The following NANOS3 variants were observed in gnomAD, a reference collection of about 807,000 sequenced individuals.
NANOS3 encodes the protein nanos C2HC-type zinc finger 3.
A neutral mutation model predicts 13.8 loss-of-function variants in NANOS3; 11 were observed. The ratio of observed to expected loss-of-function variants is 0.80; its 90% CI spans 0.50 to 1.32. The LOEUF (loss-of-function observed/expected upper bound fraction) is 1.32, where lower values mean the gene tolerates loss of function less well. Among genes scored for constraint, NANOS3 ranks in the 40% most tolerant of loss-of-function variants. NANOS3 has a pLI of 0.00. For missense variants in NANOS3, 221 were observed against 263.8 expected, an observed-to-expected ratio of 0.84 and a Z score of 1.12; for synonymous variants, 119 against 115.4, an observed-to-expected ratio of 1.03 and a Z score of -0.20.
rs372870251 is a variant in NANOS3 at position 13,880,416 on chromosome 19, C to T, written c.518-26C>T. The stretch of plus-strand genomic sequence containing the variant: ...CGTTGAGTCATCGCCTGTGATTAAG[C>T]ATTTCTCTCCCTCCCCCTCCACTAG... On this transcript the variant is annotated intron_variant, in intron 1 of 1. Transcript: ENST00000339133. 1.1e-5 allele frequency: 17 copies of T among 1,610,420 alleles called. No homozygotes were observed. The African/African-American group carries it at 2.0e-4, about 19-fold the overall frequency.
At chr19:13,880,218 G>A (rs560116740) in intron 1 of NANOS3, among the ~76,000 whole-genome samples, 1 of 152,260 alleles carries the variant, frequency 6.6e-6, no homozygotes, top group South Asian at 2.1e-4. Flanking sequence ...GGCCACGAGA[G>A]GGCACCACAG....
chr19:13,872,771 G>A (rs1032576340), upstream of NANOS3, among the ~76,000 whole-genome samples: 1 of 152,192 alleles, frequency 6.6e-6, no homozygotes, highest in African/African-American at 2.4e-5. Context: ...CTGAATGGGA[G>A]GATCTGCTGG....
At chr19:13,870,718 C>T (rs1328303114) in intron 1 of NANOS3, among the ~76,000 whole-genome samples, 1 of 151,764 alleles carries the variant, frequency 6.6e-6, no homozygotes, top group Non-Finnish European at 1.5e-5. Flanking sequence ...CAGGTGTGCG[C>T]CACCATGCCT....
chr19:13,871,719 A>G (rs1194001528), intron 1 of NANOS3, among the ~76,000 whole-genome samples: 2 of 152,242 alleles, frequency 1.3e-5, no homozygotes, highest in Non-Finnish European at 1.5e-5. Flanking sequence ...TCAAGAAGAA[A>G]GATTCCTGTG....
At chr19:13,869,664 C>G (rs1028019627) in intron 1 of NANOS3, among the ~76,000 whole-genome samples, 1 of 151,822 alleles carries the variant, frequency 6.6e-6, no homozygotes, top group Non-Finnish European at 1.5e-5. Flanking sequence ...CCACAGGGCT[C>G]TTGGTGTCGC....
chr19:13,874,321 G>T (rs113491840), upstream of NANOS3, among the ~76,000 whole-genome samples: 85 of 152,322 alleles, frequency 5.6e-4, no homozygotes, highest in Non-Finnish European at 1.0e-3. Flanking sequence ...TCGGGGCCAG[G>T]ATCCTCCGTT....
intron 1 of NANOS3, among the ~76,000 whole-genome samples, chr19:13,867,737 C>T (rs1467217457): frequency 1.3e-5 from 2 of 152,024 alleles, no homozygotes; most frequent in African/African-American, 2.4e-5. Flanking sequence ...AGACCACCCC[C>T]GCCCAAGAAC....
At position 13,879,947 on chromosome 19, in the gene NANOS3, A is replaced by AC. The variant is rs550832767; in HGVS notation, c.518-492dup. On this transcript the variant is annotated intron_variant, in intron 1 of 1. Transcript: ENST00000339133. ...GGGCTGAGACAGGAGAATCGCTAGA[A>AC]CCCGGGAGGTGGAGGTCGCAGTGAG... Among the ~76,000 whole-genome samples the AC allele has an allele frequency of 3.0e-4, 45 of 151,788 alleles. 1 individual carries two copies. In the East Asian group the frequency reaches 8.2e-3, roughly 27 times the overall value.
chr19:13,867,490 GT>G (rs34702228), intron 1 of NANOS3, among the ~76,000 whole-genome samples: 28,239 of 151,830 alleles, frequency 0.19, 2,739 homozygotes, highest in Non-Finnish European at 0.22. Flanking sequence ...TCTCAAACTC[GT>G]TGAGCTCTAG....
At chr19:13,879,395 G>C (rs1007977744) in intron 1 of NANOS3, among the ~76,000 whole-genome samples, 1 of 152,170 alleles carries the variant, frequency 6.6e-6, no homozygotes, top group African/African-American at 2.4e-5. Flanking sequence ...GGGAGAGGAC[G>C]ACCCCTCCCA....
upstream of NANOS3, among the ~76,000 whole-genome samples, chr19:13,863,889 G>A (rs952912617): frequency 2.0e-5 from 3 of 152,076 alleles, no homozygotes; most frequent in African/African-American, 7.2e-5. Context: ...GACTGTGGTG[G>A]AGGAGGCTGA....
chr19:13,865,962 G>A (rs1041399462), intron 1 of NANOS3, among the ~76,000 whole-genome samples: 1 of 151,998 alleles, frequency 6.6e-6, no homozygotes, highest in Admixed American at 6.6e-5. Flanking sequence ...CTCCGGCCAA[G>A]TTCATGGGCG....
chr19:13,876,619 GC>G (rs1398846458), upstream of NANOS3, among the ~76,000 whole-genome samples: 5 of 152,176 alleles, frequency 3.3e-5, no homozygotes, highest in East Asian at 9.7e-4. Flanking sequence ...CCCTACCCCC[GC>G]AACCAGCCCA....
rs1302011771 is a variant in NANOS3 at position 13,877,601 on chromosome 19, C to T, written c.353C>T (p.Thr118Ile). Residue 118 changes from threonine to isoleucine, a missense_variant, in exon 1 of 2, where the codon ACA becomes ATA. Physicochemically the swap from Thr to Ile is moderately conservative, Grantham distance 89 (BLOSUM62 -1). Transcript: ENST00000339133. ...RDYVCPQCGA[T>I]RERAHTRRFC... ...TACGTGTGTCCCCAGTGCGGCGCCA[C>T]ACGTGAGCGCGCCCACACCCGACGC... 1 of 1,612,170 alleles carries T rather than the reference C, an allele frequency of 6.2e-7. No homozygotes were observed. The highest frequency in any genetic ancestry group is 8.5e-7 in the Non-Finnish European group (1 of 1,179,998).
At chr19:13,867,823 C>T (rs979884632) in intron 1 of NANOS3, among the ~76,000 whole-genome samples, 4 of 152,102 alleles carry the variant, frequency 2.6e-5, no homozygotes, top group African/African-American at 9.7e-5. Flanking sequence ...CACTGTCACC[C>T]ACAAAGATAT....
At chr19:13,865,867 C>T (rs1234928000) in intron 1 of NANOS3, among the ~76,000 whole-genome samples, 1 of 136,210 alleles carries the variant, frequency 7.3e-6, no homozygotes, top group Non-Finnish European at 1.6e-5. Context: ...GAGCTTTGTT[C>T]TTGGGGGCGC....
chr19:13,863,176 C>A (rs1333884159), upstream of NANOS3, among the ~76,000 whole-genome samples: 2 of 151,952 alleles, frequency 1.3e-5, no homozygotes, highest in Non-Finnish European at 2.9e-5. Context: ...CCAACCCCTT[C>A]CGCCTCTTTT....
In NANOS3 at chr19:13,877,169, G is replaced by C; in HGVS notation, c.-80G>C. ...GAGGGGAAGGAAGGGGCAGCAGAGA[G>C]GGGTCAGAAGGAGGGAGCTTAAGCC... On this transcript the variant is annotated 5_prime_UTR_variant, in exon 1 of 2. Coordinates refer to ENST00000339133, the MANE Select transcript of NANOS3 (RefSeq NM_001098622.3). The C allele has an allele frequency of 8.3e-7, 1 of 1,206,658 alleles. No individual in the cohort carries two copies. The highest frequency in any genetic ancestry group is 1.4e-5 in the South Asian group (1 of 72,764). The allele number at this position is 1,206,658 out of a possible 1,614,324, so 74.7% of individuals were successfully genotyped here. A position where few individuals can be genotyped will look rare whatever the true frequency, so the allele number is the denominator to read the frequency against.
intron 1 of NANOS3, among the ~76,000 whole-genome samples, chr19:13,871,954 G>C (rs754456690): frequency 6.6e-6 from 1 of 152,066 alleles, no homozygotes; most frequent in Non-Finnish European, 1.5e-5. Flanking sequence ...AGCTGTGATT[G>C]CGCCACTGCA....
Sources: gnomAD v4.1 joint callset for allele counts (sites outside exome capture counted in the v4.1 genomes callset) on GRCh38, gnomAD v4.1.1 for gene constraint, MANE v1.5 for transcripts, NCBI Gene and HGNC (gene_info 2026-07-23, HGNC 2026-07-21) for gene names.